AGMO: variants seen among roughly 807,000 people sequenced by gnomAD.
AGMO encodes alkylglycerol monooxygenase.
AGMO carries 75 observed loss-of-function variants against 60.2 expected under a neutral mutation model. The observed-to-expected ratio is 1.25, with a 90% CI of 1.03 to 1.51. The LOEUF is 1.51. AGMO is among the 40% of genes most tolerant of loss of function. The pLI is 0.00. For missense variants in AGMO, 763 were observed against 525.5 expected, an observed-to-expected ratio of 1.45 and a Z score of -4.42; for synonymous variants, 261 against 177.1, an observed-to-expected ratio of 1.47 and a Z score of -3.76.
Position 15,366,228 on chromosome 7 carries a change from A to C in AGMO, c.1075-6T>G, listed in dbSNP as rs375393392. On this transcript the variant is annotated splice_region_variant and splice_polypyrimidine_tract_variant and intron_variant, in intron 10 of 12. Transcript: ENST00000342526. ...AGAGTAACTTGCGACAGTGCCTGTC[A>C]AACAAACACGGAGATCAATGGAGCC... is the stretch of plus-strand genomic sequence containing the variant. The C allele has an allele frequency of 1.3e-4, 200 of 1,598,198 alleles. No homozygotes were observed. Among genetic ancestry groups the C allele is most frequent in the Non-Finnish European group, 1.6e-4 (191 of 1,170,992 alleles).
intron 2 of AGMO, among the ~76,000 whole-genome samples, chr7:15,546,996 G>A (rs1052237848): frequency 6.6e-5 from 10 of 152,004 alleles, no homozygotes; most frequent in Admixed American, 5.2e-4. Context: ...TCAAGTTTTA[G>A]GTTAAAAATG....
chr7:15,315,191 T>A (rs929312827), intron 12 of AGMO, among the ~76,000 whole-genome samples: 1 of 152,092 alleles, frequency 6.6e-6, no homozygotes, highest in African/African-American at 2.4e-5. Context: ...TATGAAATAA[T>A]GAATTTGTGT....
chr7:15,467,790 AT>A (rs1435607033), intron 3 of AGMO, among the ~76,000 whole-genome samples: 1 of 152,160 alleles, frequency 6.6e-6, no homozygotes, highest in Non-Finnish European at 1.5e-5. Flanking sequence ...TAATTCTATA[AT>A]TTTAAGGAAA....
At chr7:15,502,105 T>C (rs145790798) in intron 3 of AGMO, among the ~76,000 whole-genome samples, 1 of 152,158 alleles carries the variant, frequency 6.6e-6, no homozygotes, top group African/African-American at 2.4e-5. Flanking sequence ...TGGGCATTTT[T>C]TTCCTCATCT....
chr7:15,380,097 A>G, intron 10 of AGMO, among the ~76,000 whole-genome samples: 1 of 152,138 alleles, frequency 6.6e-6, no homozygotes, highest in Non-Finnish European at 1.5e-5. Flanking sequence ...TGAAACCAGC[A>G]CAAGACAAGT....
At chr7:15,529,130 A>G (rs530615165) in intron 3 of AGMO, among the ~76,000 whole-genome samples, 1 of 152,214 alleles carries the variant, frequency 6.6e-6, no homozygotes, top group South Asian at 2.1e-4. Context: ...CTTAAAATGC[A>G]CTGACAACAT....
At chr7:15,381,503 T>C (rs944045116) in intron 10 of AGMO, among the ~76,000 whole-genome samples, 2 of 151,964 alleles carry the variant, frequency 1.3e-5, no homozygotes, top group African/African-American at 4.8e-5. Context: ...TCAGACTGGG[T>C]ATTATTAAAA....
In AGMO at chr7:15,317,930, T is replaced by C. The variant is rs1274911615; in HGVS notation, c.1263+47584A>G. Among the ~76,000 whole-genome samples, 170 of 138,362 alleles carry C rather than the reference T, an allele frequency of 1.2e-3. 1 individual carries two copies. Among genetic ancestry groups the C allele is most frequent in the African/African-American group, 4.2e-3 (146 of 34,382 alleles). The allele number at this position is 138,362 out of a possible 152,430, so 90.8% of individuals were successfully genotyped here. On this transcript the variant is annotated intron_variant, in intron 12 of 12. Transcript: ENST00000342526. ...ACGTATATATATATACACACACGTA[T>C]ATATATATATACACACACACACACT... is the stretch of plus-strand genomic sequence containing the variant.
chr7:15,508,055 G>T (rs1178778970), intron 3 of AGMO, among the ~76,000 whole-genome samples: 1 of 152,018 alleles, frequency 6.6e-6, no homozygotes, highest in Non-Finnish European at 1.5e-5. Context: ...GAAAGAATTT[G>T]TTACCCGCAT....
intron 3 of AGMO, among the ~76,000 whole-genome samples, chr7:15,436,205 C>T (rs1246977763): frequency 6.6e-6 from 1 of 152,112 alleles, no homozygotes; most frequent in African/African-American, 2.4e-5. Flanking sequence ...AAGAGCTATG[C>T]CTTAGTCCAT....
intron 3 of AGMO, among the ~76,000 whole-genome samples, chr7:15,519,195 T>C (rs571859615): frequency 1.3e-5 from 2 of 151,384 alleles, no homozygotes; most frequent in African/African-American, 2.4e-5. Flanking sequence ...GGTTTGATTG[T>C]TGTACCTGAA....
chr7:15,294,040 C>G (rs539514565), intron 12 of AGMO, among the ~76,000 whole-genome samples: 1 of 151,970 alleles, frequency 6.6e-6, no homozygotes, highest in Non-Finnish European at 1.5e-5. Context: ...TGTTTTAGCT[C>G]AAAGTATTTA....
intron 12 of AGMO, among the ~76,000 whole-genome samples, chr7:15,354,324 ACGTACG>A (rs1563104780): frequency 5.3e-5 from 4 of 75,520 alleles, no homozygotes; most frequent in Admixed American, 1.2e-4. Context: ...GCGTGTATAT[ACGTACG>A]CGTGTATATA....
intron 12 of AGMO, among the ~76,000 whole-genome samples, chr7:15,320,281 A>C (rs1781069167): frequency 6.7e-6 from 1 of 149,680 alleles, no homozygotes; most frequent in African/African-American, 2.5e-5. Flanking sequence ...CACATAAAAT[A>C]AATAAATAAA....
At chr7:15,441,862 C>T (rs1447123001) in intron 3 of AGMO, among the ~76,000 whole-genome samples, 1 of 152,186 alleles carries the variant, frequency 6.6e-6, no homozygotes, top group East Asian at 1.9e-4. Flanking sequence ...TAGAAAGTAA[C>T]TGCAATCTCT....
chr7:15,197,190 T>C (rs2115458679), downstream of AGMO, among the ~76,000 whole-genome samples: 1 of 152,202 alleles, frequency 6.6e-6, no homozygotes, highest in South Asian at 2.1e-4. Flanking sequence ...TTATCTTGGG[T>C]TTCTGGAGTC....
At chr7:15,495,304 A>G (rs1220787950) in intron 3 of AGMO, among the ~76,000 whole-genome samples, 2 of 152,174 alleles carry the variant, frequency 1.3e-5, no homozygotes, top group African/African-American at 4.8e-5. Context: ...GGCAATGCCC[A>G]ATAGTTTTGG....
chr7:15,158,313 A>C, the AGMO span, among the ~76,000 whole-genome samples: 2 of 152,164 alleles, frequency 1.3e-5, no homozygotes, highest in East Asian at 3.8e-4. Flanking sequence ...CTGCTATAGG[A>C]CACGGGTGTT....
chr7:15,288,901 A>C (rs1359064305), intron 12 of AGMO, among the ~76,000 whole-genome samples: 1 of 151,738 alleles, frequency 6.6e-6, no homozygotes, highest in Non-Finnish European at 1.5e-5. Context: ...AGCTTCCGTA[A>C]GTTTTGGCAA....
Sources: allele counts gnomAD v4.1 joint callset (sites outside exome capture counted in the v4.1 genomes callset), GRCh38; gene constraint gnomAD v4.1.1; transcripts MANE v1.5; gene names NCBI Gene and HGNC (gene_info 2026-07-23, HGNC 2026-07-21).